Variants in HABP2 observed in about 807,000 individuals in gnomAD.
HABP2 encodes factor VII-activating protease.
A neutral mutation model predicts 66.5 loss-of-function variants in HABP2; 65 were observed. That is an observed-to-expected ratio of 0.98 (90% CI 0.80 to 1.20). HABP2 has a LOEUF of 1.20. Ranked by LOEUF, HABP2 falls within the 50% of genes most tolerant of loss-of-function variation. The pLI, the probability that HABP2 is intolerant of heterozygous loss-of-function variation, is 0.00. For synonymous variants in HABP2, 263 were observed against 253.9 expected (o/e 1.04, Z -0.34); for missense variants, 786 against 691.0 (o/e 1.14, Z -1.54).
chr10:113,582,478 G>T (rs954259032), intron 9 of HABP2, among the ~76,000 whole-genome samples: 18 of 152,202 alleles, frequency 1.2e-4, no homozygotes, highest in African/African-American at 3.1e-4. Context: ...TGGAGGAAAA[G>T]AGTTTATTGT....
chr10:113,583,456 T>C (rs780451115), intron 10 of HABP2, 98 bp downstream of exon 10: 1 of 1,104,982 alleles, frequency 9.0e-7, no homozygotes, highest in South Asian at 1.3e-5. Context: ...TGCTCTTGAT[T>C]GTTTTTGGTC....
At chr10:113,575,011 C>G (rs1214329886) in intron 3 of HABP2, among the ~76,000 whole-genome samples, 2 of 115,496 alleles carry the variant, frequency 1.7e-5, no homozygotes, top group South Asian at 7.4e-4. Flanking sequence ...TTTGTGGCTT[C>G]TTAACCCAAG....
Position 113,577,252 on chromosome 10 carries a change from C to A in HABP2, c.434C>A (p.Pro145His), listed in dbSNP as rs1361075903. 1.3e-6 allele frequency: 2 copies of A among 1,585,764 alleles called. No individual in the cohort carries two copies. The highest frequency in any genetic ancestry group is 1.7e-6 in the Non-Finnish European group (2 of 1,154,128). ...RCVCKHPYTG[P>H]SCSQVVPVCR... ...GTCTGTAAACACCCTTACACAGGTC[C>A]CAGCTGCTCCCAAGGTAAGTGGTGG... is the stretch of plus-strand genomic sequence containing the variant. The change falls in exon 5 of 13, where the codon CCC becomes CAC. Residue 145 changes from proline to histidine, a missense_variant. Transcript: ENST00000351270.
intron 1 of HABP2, among the ~76,000 whole-genome samples, chr10:113,560,338 G>A (rs1235884272): frequency 6.6e-6 from 1 of 152,236 alleles, no homozygotes; most frequent in Middle Eastern, 3.2e-3. Flanking sequence ...ATACCTATTA[G>A]GATGGCTATC....
At chr10:113,563,448 C>T (rs541865202) in intron 1 of HABP2, among the ~76,000 whole-genome samples, 1 of 152,302 alleles carries the variant, frequency 6.6e-6, no homozygotes, top group South Asian at 2.1e-4. Context: ...CATTGCACCA[C>T]GGCCCCTCTC....
chr10:113,564,877 C>T (rs1167904700), intron 1 of HABP2, among the ~76,000 whole-genome samples: 1 of 150,878 alleles, frequency 6.6e-6, no homozygotes, highest in African/African-American at 2.5e-5. Context: ...GATGGAGTCT[C>T]GCTCTGTAGC....
chr10:113,573,867 A>G (rs777121625), intron 2 of HABP2, among the ~76,000 whole-genome samples: 1 of 152,210 alleles, frequency 6.6e-6, no homozygotes, highest in Non-Finnish European at 1.5e-5. Flanking sequence ...GCAACCAGGC[A>G]CTCAAGTATA....
At position 113,565,487 on chromosome 10, in the gene HABP2, G is replaced by A. The variant is rs1565098770; in HGVS notation, c.70-2002G>A. Among the ~76,000 whole-genome samples the A allele has an allele frequency of 2.0e-5, 3 of 152,160 alleles. No homozygotes were observed. The South Asian group carries it at 6.2e-4, about 32-fold the overall frequency. ...CACATGGCAAGAGGGGAAGCAAGAG[G>A]GAGGGATGGAAGTGCCAGGCTCTTT... On this transcript the variant is annotated intron_variant, in intron 1 of 12. Coordinates refer to ENST00000351270, the MANE Select transcript of HABP2 (RefSeq NM_004132.5).
chr10:113,588,450 C>G lies in HABP2; in HGVS notation c.*81C>G, dbSNP rs2133793607. On this transcript the variant is annotated 3_prime_UTR_variant, in exon 13 of 13. Coordinates refer to ENST00000351270, the MANE Select transcript of HABP2 (RefSeq NM_004132.5). ...GCCTCATGGCCAACAATGGACACCT[C>G]CAGAGCCTCCAGGGGACCACACAGT... 1 of 1,038,054 alleles carries G rather than the reference C, an allele frequency of 9.6e-7. No individual in the cohort carries two copies. The highest frequency in any genetic ancestry group is 2.5e-5 in the East Asian group (1 of 40,636). 64.3% of individuals were successfully genotyped at this position (1,038,054 alleles called of 1,614,324 possible).
intron 12 of HABP2, 74 bp from the exon 13 acceptor site, chr10:113,588,131 C>T: frequency 2.3e-6 from 3 of 1,283,706 alleles, no homozygotes; most frequent in Non-Finnish European, 3.2e-6. Context: ...CCCTGACACC[C>T]CCTGGAGAGA....
At chr10:113,559,588 T>C (rs531294199) in intron 1 of HABP2, among the ~76,000 whole-genome samples, 1 of 152,352 alleles carries the variant, frequency 6.6e-6, no homozygotes, top group East Asian at 1.9e-4. Flanking sequence ...ATGTGTGTTG[T>C]GTTCCCAGCC....
At chr10:113,567,601 A>G in intron 2 of HABP2, 76 bp downstream of exon 2, 4 of 1,093,006 alleles carry the variant, frequency 3.7e-6, no homozygotes, top group Non-Finnish European at 4.2e-6. Flanking sequence ...AGGCCTAAGT[A>G]TGGAAGTGTT....
At chr10:113,582,712 C>T (rs1845563490) in intron 9 of HABP2, among the ~76,000 whole-genome samples, 1 of 152,166 alleles carries the variant, frequency 6.6e-6, no homozygotes, top group South Asian at 2.1e-4. Context: ...CTCCTGTGTG[C>T]CTTAGAGAAG....
intron 3 of HABP2, 80 bp downstream of exon 3, chr10:113,574,485 C>T (rs1276688853): frequency 1.3e-5 from 9 of 706,740 alleles, no homozygotes; most frequent in Admixed American, 2.2e-5. Context: ...GCAAGGGCCT[C>T]TCTCTCCGCC....
In HABP2 at chr10:113,574,568, T is replaced by C. The variant is rs142066855; in HGVS notation, c.223+163T>C. Among the ~76,000 whole-genome samples, 584 of 152,312 alleles carry C rather than the reference T, an allele frequency of 3.8e-3. 5 individuals are homozygous for C. Among genetic ancestry groups the C allele is most frequent in the African/African-American group, 0.013 (524 of 41,556 alleles). On this transcript the variant is annotated intron_variant, in intron 3 of 12. Transcript: ENST00000351270. The stretch of plus-strand genomic sequence containing the variant: ...GGCTTTTTTTTCTGTTAGATTCATA[T>C]GCTATGAGGACTGGGGAAGTTCTTA...
intron 6 of HABP2, 39 bp from the exon 7 acceptor site, chr10:113,578,588 T>C (rs752330951): frequency 6.6e-7 from 1 of 1,508,392 alleles, no homozygotes; most frequent in East Asian, 2.3e-5. Context: ...GGCATGCCAA[T>C]GGCTGTTGGT....
chr10:113,556,804 CTTTTTTTTT>C (rs66685949), intron 1 of HABP2, among the ~76,000 whole-genome samples: 5 of 105,118 alleles, frequency 4.8e-5, no homozygotes, highest in African/African-American at 1.9e-4. Flanking sequence ...TTCTTTTATT[CTTTTTTTTT>C]TTTTTTTTTT....
intron 12 of HABP2, among the ~76,000 whole-genome samples, chr10:113,586,489 G>C (rs1485202133): frequency 8.4e-6 from 1 of 118,550 alleles, no homozygotes; most frequent in Non-Finnish European, 1.9e-5. Flanking sequence ...GGGGGGGGGG[G>C]TGTTTTAGCC....
chr10:113,561,760 T>C (rs1845104406), intron 1 of HABP2, among the ~76,000 whole-genome samples: 1 of 152,174 alleles, frequency 6.6e-6, no homozygotes, highest in African/African-American at 2.4e-5. Flanking sequence ...CTGGAACACA[T>C]CAACTCAGAC....
Sources: allele counts gnomAD v4.1 joint callset (sites outside exome capture counted in the v4.1 genomes callset), GRCh38; gene constraint gnomAD v4.1.1; transcripts MANE v1.5; gene names NCBI Gene and HGNC (gene_info 2026-07-23, HGNC 2026-07-21).